PRKCA: variants seen among roughly 807,000 people sequenced by gnomAD.
The protein encoded by PRKCA is protein kinase C alpha type.
A neutral mutation model predicts 87.0 loss-of-function variants in PRKCA; 27 were observed. That is an observed-to-expected ratio of 0.31 (90% CI 0.23 to 0.43). The LOEUF is 0.43. Ranked by LOEUF, PRKCA falls within the 20% of genes least tolerant of loss-of-function variation. The pLI, the probability that PRKCA is intolerant of heterozygous loss-of-function variation, is 1.00. For synonymous variants in PRKCA, 329 were observed against 311.1 expected (o/e 1.06, Z -0.61); for missense variants, 518 against 852.3 (o/e 0.61, Z 4.88).
At chr17:66,649,395 T>C (rs1304593876) in intron 5 of PRKCA, among the ~76,000 whole-genome samples, 1 of 152,248 alleles carries the variant, frequency 6.6e-6, no homozygotes. Flanking sequence ...TTATTGTTCA[T>C]AGGACTGGAC....
At chr17:66,679,961 T>C (rs1972445189) in intron 5 of PRKCA, among the ~76,000 whole-genome samples, 2 of 152,246 alleles carry the variant, frequency 1.3e-5, no homozygotes, top group South Asian at 4.1e-4. Context: ...TTTATGGATC[T>C]AAAGTCCTTT....
At chr17:66,353,342 A>C (rs931476792) in intron 2 of PRKCA, among the ~76,000 whole-genome samples, 1 of 152,170 alleles carries the variant, frequency 6.6e-6, no homozygotes, top group South Asian at 2.1e-4. Flanking sequence ...ATTTTATGAT[A>C]GGTATCCTTT....
In PRKCA at chr17:66,531,861, C is replaced by G. The variant is rs979458326; in HGVS notation, c.288+35578C>G. Among the ~76,000 whole-genome samples, 3 of 152,298 alleles carry G rather than the reference C, an allele frequency of 2.0e-5. No individual in the cohort carries two copies. In the East Asian group the frequency reaches 5.8e-4, roughly 29 times the overall value. ...GAGTAGACTTTCTTCTCAAACTTAT[C>G]TTTGTGCTGTTTTCCTTCCCCAGAC... is the stretch of plus-strand genomic sequence containing the variant. On this transcript the variant is annotated intron_variant, in intron 3 of 16. Coordinates refer to ENST00000413366, the MANE Select transcript of PRKCA (RefSeq NM_002737.3).
chr17:66,409,033 C>CAAAAAAA (rs10661202), intron 2 of PRKCA, among the ~76,000 whole-genome samples: 10 of 76,922 alleles, frequency 1.3e-4, no homozygotes, highest in Admixed American at 1.8e-4. Context: ...TCCCCAGTCT[C>CAAAAAAA]AAAAAAAAAA....
At chr17:66,456,773 G>A (rs1003779245) in intron 2 of PRKCA, among the ~76,000 whole-genome samples, 14 of 152,176 alleles carry the variant, frequency 9.2e-5, no homozygotes, top group African/African-American at 3.1e-4. Context: ...AATAGCTTGA[G>A]CCCTGGGCCA....
chr17:66,627,810 C>A (rs1665172378), intron 3 of PRKCA, among the ~76,000 whole-genome samples: 4 of 152,134 alleles, frequency 2.6e-5, no homozygotes. Flanking sequence ...TCAGTATCCC[C>A]CCCCAAAAAA....
intron 2 of PRKCA, among the ~76,000 whole-genome samples, chr17:66,344,740 C>G (rs536120316): frequency 3.3e-5 from 5 of 152,138 alleles, no homozygotes; most frequent in African/African-American, 1.2e-4. Flanking sequence ...ACAAGTCCTG[C>G]TGGTTGGCAG....
chr17:66,684,507 A>G (rs1402898328), intron 5 of PRKCA, among the ~76,000 whole-genome samples: 2 of 152,208 alleles, frequency 1.3e-5, no homozygotes, highest in African/African-American at 4.8e-5. Flanking sequence ...CTCTGCTGTG[A>G]TAAGAAATTG....
intron 16 of PRKCA, among the ~76,000 whole-genome samples, chr17:66,798,465 T>C (rs1598953204): frequency 1.2e-5 from 1 of 85,252 alleles, no homozygotes; most frequent in Non-Finnish European, 2.2e-5. Flanking sequence ...GTGGTGGTGG[T>C]GGTGGTGGTG....
intron 2 of PRKCA, among the ~76,000 whole-genome samples, chr17:66,376,618 C>CA (rs1165158792): frequency 1.9e-3 from 259 of 138,550 alleles, no homozygotes; most frequent in Middle Eastern, 7.8e-3. Context: ...GACTCTGTCT[C>CA]AAAAAAAAAA....
intron 10 of PRKCA, among the ~76,000 whole-genome samples, chr17:66,735,920 CTTTTTTT>C: frequency 8.2e-6 from 1 of 122,102 alleles, no homozygotes; most frequent in African/African-American, 3.2e-5. Context: ...TTCTTTCTTT[CTTTTTTT>C]TTTTTTTTTT....
chr17:66,561,525 T>A (rs926499850), intron 3 of PRKCA, among the ~76,000 whole-genome samples: 3 of 152,296 alleles, frequency 2.0e-5, no homozygotes, highest in Middle Eastern at 3.4e-3. Flanking sequence ...ATTCCTGTCT[T>A]AGAAATAAGG....
At chr17:66,559,167 C>G (rs1238213855) in intron 3 of PRKCA, among the ~76,000 whole-genome samples, 3 of 151,984 alleles carry the variant, frequency 2.0e-5, no homozygotes, top group Admixed American at 6.6e-5. Flanking sequence ...AGGGACAGAC[C>G]TTAAAAGCCC....
intron 13 of PRKCA, among the ~76,000 whole-genome samples, chr17:66,771,602 T>A (rs1417236688): frequency 2.0e-5 from 3 of 152,216 alleles, no homozygotes; most frequent in East Asian, 1.9e-4. Context: ...TCTTTTTTTT[T>A]ATTTTTTTTG....
At chr17:66,436,609 C>T (rs972109429) in intron 2 of PRKCA, among the ~76,000 whole-genome samples, 7 of 152,128 alleles carry the variant, frequency 4.6e-5, no homozygotes, top group Non-Finnish European at 8.8e-5. Context: ...GGGAATCAGT[C>T]GCAGAGAGGT....
chr17:66,678,619 AC>A (rs1158124598), intron 5 of PRKCA, among the ~76,000 whole-genome samples: 2 of 150,394 alleles, frequency 1.3e-5, no homozygotes, highest in Non-Finnish European at 3.0e-5. Context: ...CACACCACTT[AC>A]TTTTTTGTTT....
At chr17:66,470,760 A>G (rs757344508) in intron 2 of PRKCA, among the ~76,000 whole-genome samples, 11 of 152,212 alleles carry the variant, frequency 7.2e-5, no homozygotes, top group Non-Finnish European at 1.2e-4. Context: ...AGCAGAGGCA[A>G]TGAGATGCAA....
At chr17:66,759,960 A>G (rs1974646095) in intron 13 of PRKCA, among the ~76,000 whole-genome samples, 1 of 152,250 alleles carries the variant, frequency 6.6e-6, no homozygotes, top group African/African-American at 2.4e-5. Flanking sequence ...GTAGAAATAC[A>G]TGAATCCACT....
At chr17:66,478,348 G>A (rs1460138682) in intron 2 of PRKCA, among the ~76,000 whole-genome samples, 1 of 152,072 alleles carries the variant, frequency 6.6e-6, no homozygotes, top group African/African-American at 2.4e-5. Flanking sequence ...TCCGCCTTCT[G>A]GGTTCAAGTG....
Sources: gnomAD v4.1 joint callset for allele counts (sites outside exome capture counted in the v4.1 genomes callset) on GRCh38, gnomAD v4.1.1 for gene constraint, MANE v1.5 for transcripts, NCBI Gene and HGNC (gene_info 2026-07-23, HGNC 2026-07-21) for gene names.